The following DDO variants were observed in gnomAD, a reference collection of about 807,000 sequenced individuals.
The protein encoded by DDO is D-aspartate oxidase.
In DDO, 16 loss-of-function variants were observed where a neutral mutation model predicts 16.8. The observed-to-expected ratio is 0.95, with a 90% CI of 0.65 to 1.45. DDO has a LOEUF of 1.45. DDO is among the 40% of genes most tolerant of loss of function. DDO has a pLI of 0.00. For missense variants in DDO, 429 were observed against 420.3 expected, an observed-to-expected ratio of 1.02 and a Z score of -0.18; for synonymous variants, 180 against 167.2, an observed-to-expected ratio of 1.08 and a Z score of -0.59.
intron 4 of DDO, among the ~76,000 whole-genome samples, chr6:110,394,108 A>T (rs1022221571): frequency 4.2e-4 from 62 of 148,106 alleles, no homozygotes; most frequent in African/African-American, 1.2e-3. Context: ...TCTTCAGAAT[A>T]TTTTTTTTTT....
intron 3 of DDO, among the ~76,000 whole-genome samples, chr6:110,405,162 G>A (rs534954949): frequency 5.9e-5 from 9 of 152,016 alleles, no homozygotes; most frequent in African/African-American, 1.4e-4. Flanking sequence ...TCAGCCTCCC[G>A]GGTAGCTGGG....
intron 3 of DDO, among the ~76,000 whole-genome samples, chr6:110,407,330 C>A (rs896611899): frequency 6.6e-6 from 1 of 152,160 alleles, no homozygotes; most frequent in African/African-American, 2.4e-5. Context: ...ACAGAAGAAT[C>A]AATCCATAGA....
At chr6:110,391,336 C>A (rs1181929040), downstream of DDO, among the ~76,000 whole-genome samples, 3 of 146,574 alleles carry the variant, frequency 2.0e-5, no homozygotes, top group Non-Finnish European at 4.4e-5. Flanking sequence ...AAATTAAATC[C>A]ATTTCTCCTC....
At position 110,408,437 on chromosome 6, in the gene DDO, G is replaced by A. The variant is rs1176377668; in HGVS notation, c.178C>T (p.Pro60Ser). ...MLIPHTYPDTPIHTQKQWFRE... is the reference protein window; with the variant it reads ...MLIPHTYPDTSIHTQKQWFRE... ...AACCACTGCTTCTGCGTGTGAATGG[G>A]TGTATCTGTAATCATGGAGAAAAGC... The change falls in exon 3 of 5, where the codon CCC (proline) becomes TCC (serine). Residue 60 changes from proline to serine, a missense_variant. Pro to Ser is a moderately conservative substitution (Grantham distance 74, BLOSUM62 -1). Coordinates refer to ENST00000368924, the MANE Select transcript of DDO (RefSeq NM_001372108.2). The A allele has an allele frequency of 1.2e-6, 2 of 1,613,908 alleles. No homozygotes were observed. Among genetic ancestry groups the A allele is most frequent in the Non-Finnish European group, 1.7e-6 (2 of 1,179,898 alleles).
rs201159510 is a variant in DDO at position 110,408,394 on chromosome 6, T to C, written c.221A>G (p.His74Arg). 7.4e-6 allele frequency: 12 copies of C among 1,614,050 alleles called. No homozygotes were observed. The East Asian group carries it at 2.5e-4, about 33-fold the overall frequency. Residue 74 changes from histidine to arginine, a missense_variant, in exon 3 of 5, where the codon CAC becomes CGC. Coordinates refer to ENST00000368924, the MANE Select transcript of DDO (RefSeq NM_001372108.2). ...TGCAGAATTGGCAATTGCAAAGAGG[T>C]GATTAAAGGTTTCTCTGAACCACTG... is the stretch of plus-strand genomic sequence containing the variant. Reference protein sequence around the residue: ...QKQWFRETFNHLFAIANSAEA... With the variant: ...QKQWFRETFNRLFAIANSAEA...
chr6:110,413,014 G>C (rs1773911285), intron 2 of DDO, among the ~76,000 whole-genome samples: 2 of 152,122 alleles, frequency 1.3e-5, no homozygotes, highest in African/African-American at 4.8e-5. Flanking sequence ...ATGATGGTGT[G>C]CACCTGTAGT....
At chr6:110,398,757 A>T (rs1773378160) in intron 4 of DDO, among the ~76,000 whole-genome samples, 1 of 151,792 alleles carries the variant, frequency 6.6e-6, no homozygotes, top group Non-Finnish European at 1.5e-5. Flanking sequence ...GCATTAGAGG[A>T]CTCCCCCAGA....
intron 1 of DDO, among the ~76,000 whole-genome samples, chr6:110,415,030 G>C (rs796853368): frequency 6.6e-6 from 1 of 152,184 alleles, no homozygotes; most frequent in Non-Finnish European, 1.5e-5. Context: ...CCTATTCCTC[G>C]AGCAGTCTAT....
intron 4 of DDO, among the ~76,000 whole-genome samples, chr6:110,401,865 A>G (rs1020055150): frequency 2.0e-5 from 3 of 152,250 alleles, no homozygotes; most frequent in African/African-American, 7.2e-5. Flanking sequence ...ACAAAGAGAA[A>G]AAGTAGTAAC....
chr6:110,408,129 T>C (rs1284704224), intron 3 of DDO, among the ~76,000 whole-genome samples: 1 of 152,194 alleles, frequency 6.6e-6, no homozygotes, highest in Non-Finnish European at 1.5e-5. Flanking sequence ...AAACTCTGAT[T>C]GTTGTTTATT....
rs1414214809 is a variant in DDO, at chr6:110,392,814, G to C, written c.987C>G (p.Val329=). The part of the protein sequence containing the change: ...LEAARLVSEC[V]HALRTPIPKS... The stretch of plus-strand genomic sequence containing the variant: ...TGGGAATGGGGGTCCTGAGGGCATG[G>C]ACACACTCGCTCACCAGCCTGGCGG... The change falls in exon 5 of 5, where the codon GTC becomes GTG. Residue 329 remains valine, a synonymous_variant. Transcript: ENST00000368924. 1 of 1,602,444 alleles carries C rather than the reference G, an allele frequency of 6.2e-7. No homozygotes were observed. Among genetic ancestry groups the C allele is most frequent in the Non-Finnish European group, 8.5e-7 (1 of 1,173,312 alleles).
chr6:110,391,267 G>C (rs1773093493), downstream of DDO, among the ~76,000 whole-genome samples: 1 of 151,962 alleles, frequency 6.6e-6, no homozygotes. Context: ...ATCTCACTCA[G>C]GATGTCCAAA....
intron 1 of DDO, 82 bp downstream of exon 1, chr6:110,415,385 C>T: frequency 2.5e-6 from 4 of 1,576,392 alleles, no homozygotes; most frequent in Non-Finnish European, 3.5e-6. Context: ...CATCACTGTC[C>T]CCTGACCCTA....
At chr6:110,398,843 C>A (rs77582431) in intron 4 of DDO, among the ~76,000 whole-genome samples, 1 of 152,124 alleles carries the variant, frequency 6.6e-6, no homozygotes, top group Admixed American at 6.5e-5. Flanking sequence ...GCCAGTGCTG[C>A]GGTCAGCATA....
intron 4 of DDO, among the ~76,000 whole-genome samples, chr6:110,397,520 C>T (rs1326260110): frequency 6.6e-6 from 1 of 152,158 alleles, no homozygotes; most frequent in Admixed American, 6.5e-5. Flanking sequence ...AGAGAATCTG[C>T]CAGCCTTGGG....
chr6:110,411,842 T>C (rs527286447), intron 2 of DDO, among the ~76,000 whole-genome samples: 1 of 152,282 alleles, frequency 6.6e-6, no homozygotes, highest in Admixed American at 6.5e-5. Flanking sequence ...ATGGGGACAG[T>C]GAGTATAAAC....
At chr6:110,398,611 T>A (rs377293903) in intron 4 of DDO, among the ~76,000 whole-genome samples, 21 of 152,080 alleles carry the variant, frequency 1.4e-4, no homozygotes, top group African/African-American at 5.1e-4. Flanking sequence ...AAAGACGAGC[T>A]CCTGGTGAGC....
intron 2 of DDO, among the ~76,000 whole-genome samples, chr6:110,412,962 G>A (rs917775940): frequency 5.3e-5 from 8 of 152,058 alleles, no homozygotes; most frequent in Admixed American, 6.5e-5. Flanking sequence ...TGGGCAACAA[G>A]ACAAGACCTT....
In DDO at chr6:110,392,278, T is replaced by A. The variant is rs1025842856; in HGVS notation, c.*497A>T. On this transcript the variant is annotated 3_prime_UTR_variant, in exon 5 of 5. Coordinates refer to ENST00000368924, the MANE Select transcript of DDO (RefSeq NM_001372108.2). ...GCTCTGCAATTGACAGTGATTTAAA[T>A]GTTTTCCATACATTATCTCCTCCTG... 2 of 985,490 alleles carry A rather than the reference T, an allele frequency of 2.0e-6. No individual in the cohort carries two copies. The highest frequency in any genetic ancestry group is 3.5e-5 in the African/African-American group (2 of 57,246). 61.0% of individuals were successfully genotyped at this position (985,490 alleles called of 1,614,324 possible). A position where few individuals can be genotyped will look rare whatever the true frequency, so the allele number is the denominator to read the frequency against.
Sources: gnomAD v4.1 joint callset for allele counts (sites outside exome capture counted in the v4.1 genomes callset) on GRCh38, gnomAD v4.1.1 for gene constraint, MANE v1.5 for transcripts, NCBI Gene and HGNC (gene_info 2026-07-23, HGNC 2026-07-21) for gene names.